NXPH1: variants seen among roughly 807,000 people sequenced by gnomAD.
NXPH1 encodes neurexophilin-1.
Under a neutral mutation model 23.7 loss-of-function variants are expected in NXPH1, and 5 were observed. The ratio of observed to expected loss-of-function variants is 0.21; its 90% CI spans 0.11 to 0.44. The LOEUF (loss-of-function observed/expected upper bound fraction) is 0.44. NXPH1 is among the 20% of genes least tolerant of loss of function. The pLI, the probability that NXPH1 is intolerant of heterozygous loss-of-function variation, is 0.99. For synonymous variants in NXPH1, 144 were observed against 122.2 expected (o/e 1.18, Z -1.18); for missense variants, 324 against 321.6 (o/e 1.01, Z -0.06).
In NXPH1 at chr7:8,656,218, A is replaced by T. The variant is rs140984556; in HGVS notation, c.55-94790A>T. On this transcript the variant is annotated intron_variant, in intron 2 of 2. Transcript: ENST00000405863. ...ATTCTAGTTCACTTCTGATAAGACA[A>T]ATAATAAAGCTAATTAATAATGAGT... Among the ~76,000 whole-genome samples, 348 of 152,376 alleles carry T rather than the reference A, an allele frequency of 2.3e-3. 1 individual carries two copies. The highest frequency in any genetic ancestry group is 8.0e-3 in the African/African-American group (331 of 41,592).
chr7:8,658,030 CAAAT>C (rs771726578), intron 2 of NXPH1, among the ~76,000 whole-genome samples: 19 of 152,046 alleles, frequency 1.2e-4, no homozygotes, highest in African/African-American at 1.7e-4. Flanking sequence ...TCCATTTCAA[CAAAT>C]AAATAAATAA....
At chr7:8,724,275 C>T (rs1447639306) in intron 2 of NXPH1, among the ~76,000 whole-genome samples, 1 of 152,334 alleles carries the variant, frequency 6.6e-6, no homozygotes, top group East Asian at 1.9e-4. Context: ...ATAGAGGCAG[C>T]TGTCATATGT....
At chr7:8,447,119 T>A (rs975567220) in intron 2 of NXPH1, among the ~76,000 whole-genome samples, 1 of 152,226 alleles carries the variant, frequency 6.6e-6, no homozygotes, top group Non-Finnish European at 1.5e-5. Context: ...CCGTAATTAA[T>A]CCTAAGTTTA....
At chr7:8,643,533 T>A (rs1322361448) in intron 2 of NXPH1, among the ~76,000 whole-genome samples, 1 of 152,104 alleles carries the variant, frequency 6.6e-6, no homozygotes. Context: ...ACAATTTGAC[T>A]GATTTATTTA....
intron 2 of NXPH1, among the ~76,000 whole-genome samples, chr7:8,656,264 T>TCACAAAAACA (rs1772519719): frequency 6.6e-6 from 1 of 152,172 alleles, no homozygotes; most frequent in African/African-American, 2.4e-5. Flanking sequence ...TGCTTTTGCA[T>TCACAAAAACA]CACAAAAACA....
At chr7:8,486,652 G>C (rs1268856122) in intron 2 of NXPH1, among the ~76,000 whole-genome samples, 1 of 152,136 alleles carries the variant, frequency 6.6e-6, no homozygotes, top group East Asian at 1.9e-4. Context: ...ATCCAGCCCT[G>C]CCTGCCTCTC....
intron 2 of NXPH1, among the ~76,000 whole-genome samples, chr7:8,588,486 A>T (rs2128624984): frequency 6.6e-6 from 1 of 152,156 alleles, no homozygotes; most frequent in African/African-American, 2.4e-5. Context: ...ATCTCTGCTT[A>T]TTTTTGCACA....
chr7:8,478,608 C>T (rs143149559), intron 2 of NXPH1, among the ~76,000 whole-genome samples: 1 of 152,044 alleles, frequency 6.6e-6, no homozygotes, highest in Admixed American at 6.6e-5. Flanking sequence ...TTCAAGAAAA[C>T]TTTCCAGAAA....
intron 2 of NXPH1, among the ~76,000 whole-genome samples, chr7:8,499,090 C>G (rs943003563): frequency 2.0e-5 from 3 of 151,996 alleles, no homozygotes; most frequent in Non-Finnish European, 4.4e-5. Context: ...ACTACAGGTG[C>G]CTGGGTGATG....
At chr7:8,486,752 T>G (rs1192345170) in intron 2 of NXPH1, among the ~76,000 whole-genome samples, 1 of 152,186 alleles carries the variant, frequency 6.6e-6, no homozygotes, top group Admixed American at 6.5e-5. Context: ...ATGTTCTTTC[T>G]GACCTCATAA....
At chr7:8,437,006 C>A (rs977566683) in intron 2 of NXPH1, among the ~76,000 whole-genome samples, 4 of 152,220 alleles carry the variant, frequency 2.6e-5, no homozygotes, top group African/African-American at 9.6e-5. Context: ...TAACCGATTT[C>A]AGCTTCAATC....
At chr7:8,740,971 C>T (rs957935811) in intron 2 of NXPH1, among the ~76,000 whole-genome samples, 1 of 152,110 alleles carries the variant, frequency 6.6e-6, no homozygotes, top group Non-Finnish European at 1.5e-5. Flanking sequence ...TAACTGTAGT[C>T]ACCATGTTGT....
At chr7:8,464,718 A>G (rs1816751126) in intron 2 of NXPH1, among the ~76,000 whole-genome samples, 1 of 152,110 alleles carries the variant, frequency 6.6e-6, no homozygotes, top group Non-Finnish European at 1.5e-5. Context: ...AGTTTAGTGG[A>G]GTGAGAGGCA....
At chr7:8,547,071 A>G (rs752083611) in intron 2 of NXPH1, among the ~76,000 whole-genome samples, 1 of 151,404 alleles carries the variant, frequency 6.6e-6, no homozygotes, top group Non-Finnish European at 1.5e-5. Context: ...ACTGAAGTCT[A>G]TATGGAAGTA....
In NXPH1 at chr7:8,455,769, A is replaced by G. The variant is rs143549717; in HGVS notation, c.54+20002A>G. Reference sequence around the variant, plus strand: ...CCAAAAGGGTTTCAGCCAATATTCAATATCAGATGCTGTTGGAGCCACTAG... The same window carrying G: ...CCAAAAGGGTTTCAGCCAATATTCAGTATCAGATGCTGTTGGAGCCACTAG... On this transcript the variant is annotated intron_variant, in intron 2 of 2. Transcript: ENST00000405863. Among the ~76,000 whole-genome samples, 331 of 152,324 alleles carry G rather than the reference A, an allele frequency of 2.2e-3. 2 individuals carry two copies. The highest frequency in any genetic ancestry group is 7.2e-3 in the African/African-American group (299 of 41,590).
At chr7:8,700,143 C>A (rs970095888) in intron 2 of NXPH1, among the ~76,000 whole-genome samples, 1 of 152,104 alleles carries the variant, frequency 6.6e-6, no homozygotes, top group African/African-American at 2.4e-5. Flanking sequence ...AAACTGTCAT[C>A]GTTTCTTTAC....
intron 2 of NXPH1, among the ~76,000 whole-genome samples, chr7:8,633,155 G>A (rs1033276729): frequency 5.3e-5 from 8 of 152,136 alleles, no homozygotes; most frequent in Non-Finnish European, 8.8e-5. Context: ...GTAACAGGCC[G>A]GGCATGGTGG....
At chr7:8,600,921 AC>A in intron 2 of NXPH1, among the ~76,000 whole-genome samples, 1 of 147,866 alleles carries the variant, frequency 6.8e-6, no homozygotes, top group South Asian at 2.2e-4. Flanking sequence ...GAATGTGTAG[AC>A]CTTTTTTTTT....
At chr7:8,749,100 C>T (rs1780521536) in intron 2 of NXPH1, among the ~76,000 whole-genome samples, 2 of 152,186 alleles carry the variant, frequency 1.3e-5, no homozygotes, top group African/African-American at 4.8e-5. Context: ...CAAAACTTCT[C>T]CCAGGCAAGA....
Sources: gnomAD v4.1 joint callset for allele counts (sites outside exome capture counted in the v4.1 genomes callset) on GRCh38, gnomAD v4.1.1 for gene constraint, MANE v1.5 for transcripts, NCBI Gene and HGNC (gene_info 2026-07-23, HGNC 2026-07-21) for gene names.